The following NRXN1 variants were observed in gnomAD, a reference collection of about 807,000 sequenced individuals.
NRXN1 encodes the protein neurexin-1.
In NRXN1, 39 loss-of-function variants were observed where a neutral mutation model predicts 150.9. That is an observed-to-expected ratio of 0.26 (90% CI 0.20 to 0.34). The LOEUF (loss-of-function observed/expected upper bound fraction) is 0.34. Among genes scored for constraint, NRXN1 ranks in the 10% least tolerant of loss-of-function variants. NRXN1 has a pLI of 1.00. For synonymous variants in NRXN1, 924 were observed against 757.0 expected (o/e 1.22, Z -3.62); for missense variants, 1,815 against 1,949.9 (o/e 0.93, Z 1.30).
chr2:50,315,180 C>T (rs150854745), intron 17 of NRXN1, among the ~76,000 whole-genome samples: 302 of 151,708 alleles, frequency 2.0e-3, no homozygotes, highest in African/African-American at 6.9e-3. Flanking sequence ...CTTTTTTTTC[C>T]CCCTGTTTTA....
chr2:50,988,304 C>T (rs1314954523), intron 2 of NRXN1, among the ~76,000 whole-genome samples: 2 of 151,890 alleles, frequency 1.3e-5, no homozygotes, highest in Non-Finnish European at 2.9e-5. Context: ...AAAGTACTCA[C>T]CTTGAAATAA....
At chr2:50,398,091 T>C (rs2082157526) in intron 17 of NRXN1, among the ~76,000 whole-genome samples, 1 of 152,186 alleles carries the variant, frequency 6.6e-6, no homozygotes, top group South Asian at 2.1e-4. Context: ...TTTCAGAGGC[T>C]GTGACATTTT....
At chr2:50,469,474 A>T (rs577666523) in intron 16 of NRXN1, among the ~76,000 whole-genome samples, 196 of 151,772 alleles carry the variant, frequency 1.3e-3, no homozygotes, top group African/African-American at 4.5e-3. Flanking sequence ...TATACCAAAC[A>T]TATGCTAAGT....
At chr2:50,897,355 A>G (rs1218386509) in intron 5 of NRXN1, among the ~76,000 whole-genome samples, 3 of 152,188 alleles carry the variant, frequency 2.0e-5, no homozygotes, top group Non-Finnish European at 2.9e-5. Context: ...TTCTCAAACA[A>G]TGAGTATCAG....
chr2:49,999,954 A>G (rs1257893733), intron 21 of NRXN1, among the ~76,000 whole-genome samples: 1 of 152,152 alleles, frequency 6.6e-6, no homozygotes, highest in Non-Finnish European at 1.5e-5. Flanking sequence ...GTGGAAGAAG[A>G]TTTTTCGGTT....
intron 9 of NRXN1, among the ~76,000 whole-genome samples, chr2:50,551,784 T>G (rs928019334): frequency 6.6e-6 from 1 of 152,082 alleles, no homozygotes; most frequent in Non-Finnish European, 1.5e-5. Context: ...TTTCTCCCTC[T>G]CTTCTCTCTC....
In NRXN1 at chr2:50,605,720, GA is replaced by G. The variant is rs1003299414; in HGVS notation, c.1320+14301del. ...CATGCAAAATGGTGCAGCTGCTCTA[GA>G]AAACAGTATGGAAGTTCCTCAAGAA... On this transcript the variant is annotated intron_variant, in intron 8 of 22. Transcript: ENST00000401669. 3.7e-4 allele frequency among the ~76,000 whole-genome samples: 57 copies of G among 152,156 alleles called. 1 individual carries two copies. Among genetic ancestry groups the G allele is most frequent in the African/African-American group, 1.4e-3 (57 of 41,516 alleles).
At chr2:50,900,329 G>A (rs1234346441) in intron 5 of NRXN1, among the ~76,000 whole-genome samples, 2 of 152,144 alleles carry the variant, frequency 1.3e-5, no homozygotes, top group African/African-American at 4.8e-5. Flanking sequence ...ACTCTCCAGT[G>A]GAAGGGTAAG....
At chr2:50,894,012 T>C (rs1207530194) in intron 5 of NRXN1, among the ~76,000 whole-genome samples, 1 of 151,954 alleles carries the variant, frequency 6.6e-6, no homozygotes, top group Non-Finnish European at 1.5e-5. Flanking sequence ...CTGTTGGACA[T>C]TTGGGTTGGT....
At chr2:50,638,195 C>T (rs4971688) in intron 5 of NRXN1, among the ~76,000 whole-genome samples, 1 of 152,084 alleles carries the variant, frequency 6.6e-6, no homozygotes, top group Non-Finnish European at 1.5e-5. Context: ...AAACTTTCTA[C>T]AAGAGTATAT....
chr2:50,368,568 T>C (rs2079774748), intron 17 of NRXN1, among the ~76,000 whole-genome samples: 1 of 152,096 alleles, frequency 6.6e-6, no homozygotes, highest in Non-Finnish European at 1.5e-5. Flanking sequence ...ATGTTGGACA[T>C]GCCATGTGCT....
chr2:50,961,964 TA>T (rs34227089), intron 2 of NRXN1, among the ~76,000 whole-genome samples: 17 of 147,672 alleles, frequency 1.2e-4, no homozygotes, highest in Non-Finnish European at 9.0e-5. Flanking sequence ...GCCTGCTAGT[TA>T]AAAAAAAAAG....
chr2:50,243,146 C>T (rs776461572), intron 17 of NRXN1, among the ~76,000 whole-genome samples: 5 of 151,512 alleles, frequency 3.3e-5, no homozygotes, highest in Non-Finnish European at 7.4e-5. Context: ...TTGTAAATTT[C>T]AAAATAGCTA....
chr2:51,021,385 T>C (rs1020524286), intron 2 of NRXN1, among the ~76,000 whole-genome samples: 7 of 151,942 alleles, frequency 4.6e-5, no homozygotes, highest in African/African-American at 1.7e-4. Context: ...TATTTTCAGG[T>C]ACTAATGTGT....
intron 21 of NRXN1, among the ~76,000 whole-genome samples, chr2:50,034,496 GTGGAGGT>G (rs1463118212): frequency 1.3e-5 from 2 of 152,028 alleles, no homozygotes; most frequent in Non-Finnish European, 2.9e-5. Context: ...CTAGTGGAGG[GTGGAGGT>G]TGGGAAGAGG....
chr2:50,003,503 T>C (rs1263546971), intron 21 of NRXN1, among the ~76,000 whole-genome samples: 1 of 152,128 alleles, frequency 6.6e-6, no homozygotes, highest in Non-Finnish European at 1.5e-5. Context: ...GCTATATTCA[T>C]TCCTCCTAAT....
chr2:50,381,225 T>C (rs372407814), intron 17 of NRXN1, among the ~76,000 whole-genome samples: 46 of 147,374 alleles, frequency 3.1e-4, no homozygotes, highest in African/African-American at 1.1e-3. Context: ...CATATACTTA[T>C]GAGGAAAAAA....
At chr2:50,937,919 T>G (rs1447771787) in intron 2 of NRXN1, among the ~76,000 whole-genome samples, 1 of 152,178 alleles carries the variant, frequency 6.6e-6, no homozygotes, top group Admixed American at 6.6e-5. Context: ...CTGGATGGTA[T>G]GGCCTACTAC....
chr2:50,979,224 G>A (rs1205296559), intron 2 of NRXN1: 1 of 514,610 alleles, frequency 1.9e-6, no homozygotes, highest in Admixed American at 2.0e-5. Flanking sequence ...TGTGATATGA[G>A]AAAAGACTAA....
Sources: gnomAD v4.1 joint callset for allele counts (sites outside exome capture counted in the v4.1 genomes callset) on GRCh38, gnomAD v4.1.1 for gene constraint, MANE v1.5 for transcripts, NCBI Gene and HGNC (gene_info 2026-07-23, HGNC 2026-07-21) for gene names.